The following CTNND2 variants were observed in gnomAD, a reference collection of about 807,000 sequenced individuals.
CTNND2 encodes catenin delta 2.
Under a neutral mutation model 144.4 loss-of-function variants are expected in CTNND2, and 22 were observed. The ratio of observed to expected loss-of-function variants is 0.15; its 90% CI spans 0.11 to 0.22. The LOEUF (loss-of-function observed/expected upper bound fraction) is 0.22, where lower values mean the gene tolerates loss of function less well. Among genes scored for constraint, CTNND2 ranks in the 10% least tolerant of loss-of-function variants. CTNND2 has a pLI of 1.00. For missense variants in CTNND2, 1,353 were observed against 1,618.8 expected (o/e 0.84, Z 2.82); for synonymous variants, 751 against 695.6 (o/e 1.08, Z -1.25).
chr5:11,142,079 C>T (rs1756788335), intron 12 of CTNND2, among the ~76,000 whole-genome samples: 1 of 152,170 alleles, frequency 6.6e-6, no homozygotes, highest in African/African-American at 2.4e-5. Flanking sequence ...AGCCCCCTGA[C>T]CTTGTACTTC....
chr5:11,462,896 C>T (rs918382452), intron 3 of CTNND2, among the ~76,000 whole-genome samples: 4 of 152,056 alleles, frequency 2.6e-5, no homozygotes, highest in Admixed American at 6.5e-5. Context: ...GAAGCTGCCT[C>T]GGCCTCATGT....
rs918783790 is a variant in CTNND2, at chr5:11,825,439, C to A, written c.37+78378G>T. 2.6e-5 allele frequency among the ~76,000 whole-genome samples: 4 copies of A among 152,132 alleles called. No homozygotes were observed. The South Asian group carries it at 6.2e-4, about 24-fold the overall frequency. On this transcript the variant is annotated intron_variant, in intron 1 of 21. Transcript: ENST00000304623. Reference sequence around the variant, plus strand: ...GAATTTAAAAAATTAAACAGAGCATCCAAGAATTGTGGAACAGTATCAAGA... The same window carrying A: ...GAATTTAAAAAATTAAACAGAGCATACAAGAATTGTGGAACAGTATCAAGA...
At chr5:11,037,299 C>G (rs749252026) in intron 16 of CTNND2, among the ~76,000 whole-genome samples, 74 of 152,166 alleles carry the variant, frequency 4.9e-4, no homozygotes, top group Non-Finnish European at 7.1e-4. Flanking sequence ...CAGGTGGTTT[C>G]TGATTTTTTG....
chr5:11,541,848 C>G lies in CTNND2; in HGVS notation c.287+23096G>C, dbSNP rs193143522. Among the ~76,000 whole-genome samples the G allele has an allele frequency of 2.0e-3, 299 of 147,678 alleles. 5 individuals are homozygous for G. The highest frequency in any genetic ancestry group is 6.4e-3 in the African/African-American group (251 of 39,212). On this transcript the variant is annotated intron_variant, in intron 3 of 21. Coordinates refer to ENST00000304623, the MANE Select transcript of CTNND2 (RefSeq NM_001332.4). ...TATTATTTATTATCGACCCCCCCCC[C>G]CCGGCCAAAAGCCTTTTCCAACTTT...
intron 1 of CTNND2, among the ~76,000 whole-genome samples, chr5:11,833,270 G>C (rs1325892694): frequency 6.6e-6 from 1 of 152,040 alleles, no homozygotes; most frequent in Non-Finnish European, 1.5e-5. Context: ...TTGTGACAAA[G>C]CCACAATGAA....
intron 9 of CTNND2, among the ~76,000 whole-genome samples, chr5:11,271,319 G>C (rs1018625557): frequency 3.9e-5 from 6 of 152,038 alleles, no homozygotes; most frequent in African/African-American, 1.4e-4. Flanking sequence ...TAATGTATGA[G>C]AACTAGATAA....
At chr5:11,881,731 G>A (rs995251043) in intron 1 of CTNND2, among the ~76,000 whole-genome samples, 2 of 151,880 alleles carry the variant, frequency 1.3e-5, no homozygotes, top group African/African-American at 4.8e-5. Flanking sequence ...TGAACATACT[G>A]ATTTCCTTTC....
intron 2 of CTNND2, chr5:11,588,975 C>A (rs1036269564): frequency 4.1e-6 from 4 of 985,312 alleles, no homozygotes; most frequent in Middle Eastern, 1.0e-3. Context: ...AAAGTCAGGA[C>A]GCTGAATTAT....
chr5:11,670,458 G>C (rs1783822343), intron 2 of CTNND2, among the ~76,000 whole-genome samples: 1 of 152,104 alleles, frequency 6.6e-6, no homozygotes, highest in Non-Finnish European at 1.5e-5. Flanking sequence ...ATATATTTAG[G>C]ATAGTTAGCT....
chr5:11,179,532 T>A (rs1309148937), intron 11 of CTNND2, among the ~76,000 whole-genome samples: 1 of 152,134 alleles, frequency 6.6e-6, no homozygotes, highest in African/African-American at 2.4e-5. Context: ...AATATACATA[T>A]TTATCTGTAC....
intron 9 of CTNND2, among the ~76,000 whole-genome samples, chr5:11,260,949 G>A (rs1580734903): frequency 6.6e-6 from 1 of 152,038 alleles, no homozygotes; most frequent in Non-Finnish European, 1.5e-5. Context: ...TAATTATGAC[G>A]GGCCTGAGAG....
intron 8 of CTNND2, among the ~76,000 whole-genome samples, chr5:11,362,955 T>C (rs559764483): frequency 5.9e-5 from 9 of 152,246 alleles, no homozygotes; most frequent in African/African-American, 1.9e-4. Context: ...TGAATGGGTA[T>C]GGCTGCATCT....
chr5:11,434,165 A>G (rs1257190580), intron 3 of CTNND2, among the ~76,000 whole-genome samples: 1 of 152,236 alleles, frequency 6.6e-6, no homozygotes, highest in Non-Finnish European at 1.5e-5. Flanking sequence ...CTGCCAATAC[A>G]TGCAGCAGCA....
chr5:11,382,782 T>C (rs984978484), intron 7 of CTNND2, among the ~76,000 whole-genome samples: 2 of 152,036 alleles, frequency 1.3e-5, no homozygotes, highest in Non-Finnish European at 2.9e-5. Context: ...CTCTTTCAAC[T>C]AGCAAACCAA....
chr5:11,593,612 G>C (rs1040509940), intron 2 of CTNND2, among the ~76,000 whole-genome samples: 1 of 152,168 alleles, frequency 6.6e-6, no homozygotes, highest in Non-Finnish European at 1.5e-5. Flanking sequence ...AGTCTCAGGA[G>C]ATCTGCTGGT....
chr5:11,774,447 G>A (rs1790125138), intron 1 of CTNND2, among the ~76,000 whole-genome samples: 1 of 148,272 alleles, frequency 6.7e-6, no homozygotes, highest in Admixed American at 6.8e-5. Flanking sequence ...TATACCTAAT[G>A]CTAGATGACG....
chr5:11,036,864 TGA>T lies in CTNND2; in HGVS notation c.2789-13887_2789-13886del, dbSNP rs1174763406. On this transcript the variant is annotated intron_variant, in intron 16 of 21. Transcript: ENST00000304623. ...ATTTTTATTTGGTTTAATACTATGT[TGA>T]GAGCTGTCCTGTTCATCAAGAATCC... Among the ~76,000 whole-genome samples the T allele has an allele frequency of 3.3e-5, 5 of 152,174 alleles. No individual in the cohort carries two copies. In the South Asian group the frequency reaches 1.0e-3, roughly 32 times the overall value.
intron 2 of CTNND2, among the ~76,000 whole-genome samples, chr5:11,609,803 G>C (rs565139572): frequency 5.3e-4 from 81 of 152,250 alleles, no homozygotes; most frequent in African/African-American, 1.4e-3. Flanking sequence ...GCTTGAACCT[G>C]GGAGCCTTCT....
chr5:11,449,186 ATTG>A (rs1765096307), intron 3 of CTNND2, among the ~76,000 whole-genome samples: 1 of 152,144 alleles, frequency 6.6e-6, no homozygotes, highest in South Asian at 2.1e-4. Flanking sequence ...AATGTTTTTC[ATTG>A]TTGTCTAAAA....
Sources: gnomAD v4.1 joint callset for allele counts (sites outside exome capture counted in the v4.1 genomes callset) on GRCh38, gnomAD v4.1.1 for gene constraint, MANE v1.5 for transcripts, NCBI Gene and HGNC (gene_info 2026-07-23, HGNC 2026-07-21) for gene names.